The following XKR4 variants were observed in gnomAD, a reference collection of about 807,000 sequenced individuals.
XKR4 encodes the protein XK-related protein 4.
Under a neutral mutation model 53.9 loss-of-function variants are expected in XKR4, and 12 were observed. The ratio of observed to expected loss-of-function variants is 0.22; its 90% CI spans 0.14 to 0.36. The LOEUF (loss-of-function observed/expected upper bound fraction) is 0.36. Among genes scored for constraint, XKR4 ranks in the 10% least tolerant of loss-of-function variants. The probability of loss-of-function intolerance (pLI) is 1.00; values close to 1 mark genes in which losing one functional copy is unlikely to be tolerated. For synonymous variants in XKR4, 354 were observed against 362.4 expected, an observed-to-expected ratio of 0.98 and a Z score of 0.26; for missense variants, 799 against 859.5, an observed-to-expected ratio of 0.93 and a Z score of 0.88.
chr8:55,325,795 T>C (rs1803282920), intron 1 of XKR4, among the ~76,000 whole-genome samples: 1 of 152,184 alleles, frequency 6.6e-6, no homozygotes, highest in Non-Finnish European at 1.5e-5. Context: ...TGTTTAAAAA[T>C]TGTCTATGTA....
chr8:55,383,390 A>T (rs539349142), intron 2 of XKR4, among the ~76,000 whole-genome samples: 1 of 152,318 alleles, frequency 6.6e-6, no homozygotes, highest in East Asian at 1.9e-4. Context: ...ACATATAGCA[A>T]AGAGCAACAG....
At chr8:55,376,212 TATA>T in intron 2 of XKR4, among the ~76,000 whole-genome samples, 1 of 152,322 alleles carries the variant, frequency 6.6e-6, no homozygotes, top group Non-Finnish European at 1.5e-5. Flanking sequence ...ATCTTTGCAA[TATA>T]ATGATTTATA....
At chr8:55,287,838 T>A (rs1418442084) in intron 1 of XKR4, among the ~76,000 whole-genome samples, 1 of 152,148 alleles carries the variant, frequency 6.6e-6, no homozygotes, top group Non-Finnish European at 1.5e-5. Context: ...CAAGCAAAAA[T>A]TTTAAAAAGA....
chr8:55,117,409 C>T (rs1363805728), intron 1 of XKR4, among the ~76,000 whole-genome samples: 1 of 152,162 alleles, frequency 6.6e-6, no homozygotes, highest in African/African-American at 2.4e-5. Flanking sequence ...ATGAGTAAAG[C>T]TCATTGCCTT....
At chr8:55,443,515 T>C (rs1375371947) in intron 2 of XKR4, among the ~76,000 whole-genome samples, 2 of 113,206 alleles carry the variant, frequency 1.8e-5, no homozygotes, top group African/African-American at 6.5e-5. Flanking sequence ...TTTGTAGATT[T>C]ATAATCAGTT....
At chr8:55,264,838 A>G (rs1190169696) in intron 1 of XKR4, among the ~76,000 whole-genome samples, 5 of 152,212 alleles carry the variant, frequency 3.3e-5, no homozygotes, top group African/African-American at 1.2e-4. Flanking sequence ...ATATTCCTAT[A>G]TATAACACAC....
chr8:55,199,475 A>G (rs12546736), intron 1 of XKR4, among the ~76,000 whole-genome samples: 14,280 of 152,252 alleles, frequency 0.094, 1,762 homozygotes, highest in African/African-American at 0.28. Context: ...ATAATTCTGC[A>G]TATGGTTATT....
At chr8:55,215,870 A>G (rs142867359) in intron 1 of XKR4, among the ~76,000 whole-genome samples, 265 of 152,316 alleles carry the variant, frequency 1.7e-3, no homozygotes, top group African/African-American at 5.9e-3. Flanking sequence ...TTTTGTTTTG[A>G]GGTATTGAAT....
chr8:55,108,080 G>A (rs1485997228), intron 1 of XKR4, among the ~76,000 whole-genome samples: 3 of 152,182 alleles, frequency 2.0e-5, no homozygotes, highest in African/African-American at 7.2e-5. Flanking sequence ...GATGGTTCAG[G>A]TAAGACTCTC....
At chr8:55,105,900 G>T (rs1008967263) in intron 1 of XKR4, among the ~76,000 whole-genome samples, 7 of 152,314 alleles carry the variant, frequency 4.6e-5, no homozygotes, top group African/African-American at 1.2e-4. Context: ...CTTTGGGGGA[G>T]TAGACGCATC....
intron 1 of XKR4, among the ~76,000 whole-genome samples, chr8:55,290,658 C>G (rs1298001986): frequency 6.6e-6 from 1 of 151,930 alleles, no homozygotes; most frequent in African/African-American, 2.4e-5. Flanking sequence ...TAAAAATGTA[C>G]TTATTTGTCA....
Position 55,346,685 on chromosome 8 carries a change from A to ATGTGTGTGTGTGTGTGTG in XKR4, c.807-10969_807-10952dup, listed in dbSNP as rs10685965. Reference sequence around the variant, plus strand: ...ACAAAAACAGAAACCTGTTGAGGTTATGTGTGTGTGTGTGTGTGTGTGTGT... The same window carrying ATGTGTGTGTGTGTGTGTG: ...ACAAAAACAGAAACCTGTTGAGGTTATGTGTGTGTGTGTGTGTGTGTGTGTGTGTGTGTGTGTGTGTGT... On this transcript the variant is annotated intron_variant, in intron 1 of 2. Transcript: ENST00000327381. Among the ~76,000 whole-genome samples, 114 of 138,468 alleles carry ATGTGTGTGTGTGTGTGTG rather than the reference A, an allele frequency of 8.2e-4. 1 individual carries two copies. The highest frequency in any genetic ancestry group is 2.0e-3 in the African/African-American group (73 of 36,538). 90.8% of individuals were successfully genotyped at this position (138,468 alleles called of 152,430 possible).
At chr8:55,171,935 G>T (rs575724920) in intron 1 of XKR4, among the ~76,000 whole-genome samples, 1 of 152,222 alleles carries the variant, frequency 6.6e-6, no homozygotes, top group African/African-American at 2.4e-5. Flanking sequence ...CTCCAGAGGG[G>T]TCTTTCTGAT....
At chr8:55,193,921 CAG>C (rs1277025233) in intron 1 of XKR4, among the ~76,000 whole-genome samples, 12 of 152,306 alleles carry the variant, frequency 7.9e-5, no homozygotes, top group Admixed American at 7.2e-4. Flanking sequence ...GCCGACCTTG[CAG>C]AGTGGCTGGG....
chr8:55,134,405 A>G (rs990147243), intron 1 of XKR4, among the ~76,000 whole-genome samples: 2 of 152,254 alleles, frequency 1.3e-5, no homozygotes, highest in African/African-American at 4.8e-5. Context: ...TAAAAAGAAG[A>G]GATGTATACA....
At chr8:55,247,726 A>G (rs1818302640) in intron 1 of XKR4, among the ~76,000 whole-genome samples, 2 of 152,118 alleles carry the variant, frequency 1.3e-5, no homozygotes, top group South Asian at 2.1e-4. Flanking sequence ...GCAGTTCACA[A>G]TTACAATCAC....
At chr8:55,373,505 G>A (rs773965164) in intron 2 of XKR4, among the ~76,000 whole-genome samples, 1 of 152,106 alleles carries the variant, frequency 6.6e-6, no homozygotes, top group Non-Finnish European at 1.5e-5. Context: ...TAGTATTACC[G>A]GTTCAAATGC....
At chr8:55,295,069 A>G (rs990479783) in intron 1 of XKR4, among the ~76,000 whole-genome samples, 4 of 152,208 alleles carry the variant, frequency 2.6e-5, no homozygotes, top group Non-Finnish European at 5.9e-5. Context: ...CTACAAAAAT[A>G]CGCATTTTAT....
At chr8:55,468,565 A>G (rs1444370662) in intron 2 of XKR4, among the ~76,000 whole-genome samples, 1 of 152,186 alleles carries the variant, frequency 6.6e-6, no homozygotes, top group East Asian at 1.9e-4. Flanking sequence ...GCTGTATTAA[A>G]AAATAATGAT....
Sources: allele counts gnomAD v4.1 joint callset (sites outside exome capture counted in the v4.1 genomes callset), GRCh38; gene constraint gnomAD v4.1.1; transcripts MANE v1.5; gene names NCBI Gene and HGNC (gene_info 2026-07-23, HGNC 2026-07-21).